The following PTPRK variants were observed in gnomAD, a reference collection of about 807,000 sequenced individuals.
PTPRK encodes the protein protein tyrosine phosphatase receptor type K, also known as receptor-type tyrosine-protein phosphatase kappa.
In PTPRK, 75 loss-of-function variants were observed where a neutral mutation model predicts 178.0. That is an observed-to-expected ratio of 0.42 (90% CI 0.35 to 0.51). PTPRK has a LOEUF of 0.51. Ranked by LOEUF, PTPRK falls within the 20% of genes least tolerant of loss-of-function variation. PTPRK has a pLI of 0.02. For synonymous variants in PTPRK, 637 were observed against 620.6 expected (o/e 1.03, Z -0.39); for missense variants, 1,441 against 1,797.8 (o/e 0.80, Z 3.59).
At chr6:128,327,831 C>T (rs941337546) in intron 2 of PTPRK, among the ~76,000 whole-genome samples, 1 of 152,066 alleles carries the variant, frequency 6.6e-6, no homozygotes, top group African/African-American at 2.4e-5. Context: ...AGAAAGAAAC[C>T]AATATAGACA....
At chr6:128,346,727 C>T (rs1414281189) in intron 2 of PTPRK, among the ~76,000 whole-genome samples, 3 of 152,058 alleles carry the variant, frequency 2.0e-5, no homozygotes, top group Admixed American at 2.0e-4. Flanking sequence ...ATTGTTTCCC[C>T]TTTCTGGAAG....
At chr6:128,351,062 C>G (rs1833054462) in intron 2 of PTPRK, among the ~76,000 whole-genome samples, 1 of 152,216 alleles carries the variant, frequency 6.6e-6, no homozygotes, top group African/African-American at 2.4e-5. Flanking sequence ...CTAAAAGAGA[C>G]AGCCCTGAGT....
intron 6 of PTPRK, among the ~76,000 whole-genome samples, chr6:128,216,497 T>C (rs1463747072): frequency 6.7e-6 from 1 of 150,364 alleles, no homozygotes; most frequent in Non-Finnish European, 1.5e-5. Flanking sequence ...ATCCTGCCAC[T>C]GCATTCCAAC....
At chr6:128,325,482 AAAAC>A (rs1829421997) in intron 2 of PTPRK, among the ~76,000 whole-genome samples, 3 of 152,146 alleles carry the variant, frequency 2.0e-5, no homozygotes, top group African/African-American at 7.2e-5. Context: ...TTACAAGAAA[AAAAC>A]AAACCCATCA....
intron 16 of PTPRK, 88 bp downstream of exon 16, chr6:127,998,632 T>C (rs927560716): frequency 3.6e-6 from 4 of 1,099,242 alleles, no homozygotes; most frequent in African/African-American, 1.6e-5. Context: ...CCCCTCCTTG[T>C]TGTGTTAAAG....
intron 1 of PTPRK, among the ~76,000 whole-genome samples, chr6:128,481,784 AT>A (rs1440984263): frequency 6.6e-6 from 1 of 152,110 alleles, no homozygotes; most frequent in African/African-American, 2.4e-5. Flanking sequence ...ATGAATATAC[AT>A]TTTAAGAGTA....
At chr6:127,983,215 A>C (rs1775566620) in intron 23 of PTPRK, 27 bp downstream of exon 23, 6 of 1,539,724 alleles carry the variant, frequency 3.9e-6, no homozygotes, top group Non-Finnish European at 4.4e-6. Flanking sequence ...AAATAAAAAA[A>C]AGTCCACTAC....
At chr6:128,327,233 T>C (rs561067786) in intron 2 of PTPRK, among the ~76,000 whole-genome samples, 1 of 152,318 alleles carries the variant, frequency 6.6e-6, no homozygotes, top group South Asian at 2.1e-4. Context: ...ATTGGATCAA[T>C]AGCAAAGAAA....
At chr6:128,186,479 G>A (rs1321737173) in intron 6 of PTPRK, among the ~76,000 whole-genome samples, 4 of 152,218 alleles carry the variant, frequency 2.6e-5, no homozygotes, top group East Asian at 3.9e-4. Context: ...CTATAGAAAA[G>A]TGGTTAACAT....
At chr6:127,974,302 T>A (rs550302145) in intron 27 of PTPRK, among the ~76,000 whole-genome samples, 1 of 152,308 alleles carries the variant, frequency 6.6e-6, no homozygotes, top group East Asian at 1.9e-4. Context: ...AAAATCCAAA[T>A]TGTTGTCATG....
chr6:128,368,389 G>GAA (rs67356327), intron 2 of PTPRK, among the ~76,000 whole-genome samples: 1 of 136,788 alleles, frequency 7.3e-6, no homozygotes, highest in Admixed American at 7.3e-5. Flanking sequence ...TGTTAAAAAA[G>GAA]AAAAAAAAAA....
intron 6 of PTPRK, among the ~76,000 whole-genome samples, chr6:128,188,209 T>C (rs1160407222): frequency 6.6e-6 from 1 of 152,170 alleles, no homozygotes; most frequent in African/African-American, 2.4e-5. Flanking sequence ...CTGAACCTAT[T>C]ATAAAACCCG....
At chr6:128,332,572 G>T (rs1387114618) in intron 2 of PTPRK, among the ~76,000 whole-genome samples, 4 of 152,142 alleles carry the variant, frequency 2.6e-5, no homozygotes, top group Admixed American at 2.6e-4. Flanking sequence ...CCACCAAACA[G>T]TAAAGAAAAT....
At chr6:128,397,295 T>C (rs1415475616) in intron 2 of PTPRK, among the ~76,000 whole-genome samples, 3 of 152,208 alleles carry the variant, frequency 2.0e-5, no homozygotes, top group Non-Finnish European at 4.4e-5. Flanking sequence ...TTTTTTCTTT[T>C]ATTTTTTGAT....
intron 3 of PTPRK, among the ~76,000 whole-genome samples, chr6:128,304,981 C>T (rs1433627724): frequency 7.2e-5 from 11 of 152,114 alleles, no homozygotes. Flanking sequence ...CTCTGGCATG[C>T]CTATTTTGTT....
chr6:128,462,104 T>C (rs542647466), intron 1 of PTPRK, among the ~76,000 whole-genome samples: 1 of 151,908 alleles, frequency 6.6e-6, no homozygotes, highest in African/African-American at 2.4e-5. Context: ...GCCAAGGCTA[T>C]AGGTGTGGGC....
chr6:128,271,761 A>G (rs752035131), intron 3 of PTPRK, among the ~76,000 whole-genome samples: 18 of 151,870 alleles, frequency 1.2e-4, no homozygotes, highest in Non-Finnish European at 2.2e-4. Context: ...AAGACTATAG[A>G]TGCATAATCT....
chr6:128,317,032 A>G lies in PTPRK; in HGVS notation c.495+5007T>C, dbSNP rs374081980. Among the ~76,000 whole-genome samples, 208 of 152,330 alleles carry G rather than the reference A, an allele frequency of 1.4e-3. 4 individuals carry two copies. The South Asian group carries it at 0.042, about 31-fold the overall frequency. On this transcript the variant is annotated intron_variant, in intron 3 of 29. Coordinates refer to ENST00000368226, the MANE Select transcript of PTPRK (RefSeq NM_002844.4). ...TTTTGTTAATAGCCTATCAAATAAAAGGTATTTTGCCAGTGTAAAAATAAG... is the reference window on the plus strand; with the variant it reads ...TTTTGTTAATAGCCTATCAAATAAAGGGTATTTTGCCAGTGTAAAAATAAG...
chr6:128,168,907 A>T (rs377081712), intron 7 of PTPRK, among the ~76,000 whole-genome samples: 1 of 152,144 alleles, frequency 6.6e-6, no homozygotes, highest in African/African-American at 2.4e-5. Flanking sequence ...TCCCTAAAAA[A>T]GGCAATCCTG....
Sources: gnomAD v4.1 joint callset for allele counts (sites outside exome capture counted in the v4.1 genomes callset) on GRCh38, gnomAD v4.1.1 for gene constraint, MANE v1.5 for transcripts, NCBI Gene and HGNC (gene_info 2026-07-23, HGNC 2026-07-21) for gene names.